TSPAN19: variants seen among roughly 807,000 people sequenced by gnomAD.
TSPAN19 encodes tetraspanin-19.
In TSPAN19, 44 loss-of-function variants were observed where a neutral mutation model predicts 35.1. The ratio of observed to expected loss-of-function variants is 1.25; its 90% CI spans 0.98 to 1.61. The LOEUF (loss-of-function observed/expected upper bound fraction) is 1.61, where lower values mean the gene tolerates loss of function less well. TSPAN19 is among the 40% of genes most tolerant of loss of function. TSPAN19 has a pLI of 0.00. For missense variants in TSPAN19, 290 were observed against 280.0 expected (o/e 1.04, Z -0.26); for synonymous variants, 79 against 92.0 (o/e 0.86, Z 0.81).
chr12:85,032,693 C>T (rs1191349334), intron 1 of TSPAN19, among the ~76,000 whole-genome samples: 3 of 152,200 alleles, frequency 2.0e-5, no homozygotes, highest in African/African-American at 4.8e-5. Context: ...CTGGAAACAA[C>T]GTCAATGAGA....
At chr12:85,021,227 TTAAATA>T (rs998111549) in intron 5 of TSPAN19, among the ~76,000 whole-genome samples, 34 of 152,174 alleles carry the variant, frequency 2.2e-4, no homozygotes, top group African/African-American at 7.7e-4. Context: ...GCTGAGACTT[TTAAATA>T]TAATCATTTG....
Position 85,019,722 on chromosome 12 carries a change from C to T in TSPAN19, c.354G>A (p.Trp118Ter). The change falls in exon 6 of 9, where the codon TGG becomes TGA. Residue 118 changes from tryptophan (W) to a stop codon, truncating the protein, a stop_gained. Coordinates refer to ENST00000532498, the MANE Select transcript of TSPAN19 (RefSeq NM_001100917.2). LOFTEE classifies it high-confidence loss of function. The part of the protein sequence containing the change: ...ITKKEEVQQL[W>*]HDKIDFVISE... ...AAATGACAAAATCAATTTTGTCATGCCATAGTTGCTGAACCTGTAGAAAAT... is the reference window on the plus strand; with the variant it reads ...AAATGACAAAATCAATTTTGTCATGTCATAGTTGCTGAACCTGTAGAAAAT... 6.3e-7 allele frequency: 1 copy of T among 1,599,938 alleles called. No homozygotes were observed. The highest frequency in any genetic ancestry group is 8.5e-7 in the Non-Finnish European group (1 of 1,171,850).
intron 4 of TSPAN19, among the ~76,000 whole-genome samples, chr12:85,027,590 C>G (rs1236094910): frequency 6.6e-6 from 1 of 151,912 alleles, no homozygotes; most frequent in African/African-American, 2.4e-5. Flanking sequence ...TATTCTAATT[C>G]TAGCCTTCAG....
intron 6 of TSPAN19, among the ~76,000 whole-genome samples, chr12:85,017,922 C>A (rs1876905946): frequency 6.6e-6 from 1 of 151,752 alleles, no homozygotes; most frequent in Admixed American, 6.6e-5. Flanking sequence ...TAATATAAAA[C>A]AATCACTGGA....
chr12:85,031,088 C>T (rs1246444101), intron 1 of TSPAN19, among the ~76,000 whole-genome samples: 1 of 152,134 alleles, frequency 6.6e-6, no homozygotes, highest in Non-Finnish European at 1.5e-5. Context: ...AGTCTATGTA[C>T]TACCTTCCCT....
intron 6 of TSPAN19, among the ~76,000 whole-genome samples, chr12:85,018,086 T>C (rs1876914082): frequency 6.6e-6 from 1 of 151,626 alleles, no homozygotes; most frequent in Non-Finnish European, 1.5e-5. Context: ...TGTGTGAAAA[T>C]TACCACAAAG....
intron 7 of TSPAN19, chr12:85,017,235 T>C (rs1876861776): frequency 4.3e-6 from 2 of 461,074 alleles, no homozygotes; most frequent in Admixed American, 4.4e-5. Context: ...AATACATAAA[T>C]CATATACTCC....
At chr12:85,015,629 TAGAA>T (rs1876752710) in intron 8 of TSPAN19, 1 of 260,956 alleles carries the variant, frequency 3.8e-6, no homozygotes, top group Admixed American at 5.5e-5. Context: ...TAGATATATA[TAGAA>T]AGAAAGATAA....
intron 1 of TSPAN19, among the ~76,000 whole-genome samples, chr12:85,033,664 T>C (rs926567115): frequency 6.6e-6 from 1 of 152,132 alleles, no homozygotes; most frequent in Non-Finnish European, 1.5e-5. Context: ...ATATCATCAA[T>C]GAGGAGAGAA....
chr12:85,025,468 A>G (rs1222602973), intron 4 of TSPAN19, among the ~76,000 whole-genome samples: 1 of 151,556 alleles, frequency 6.6e-6, no homozygotes, highest in Non-Finnish European at 1.5e-5. Context: ...ATTACTGGGT[A>G]TCTTAGATTA....
intron 6 of TSPAN19, 70 bp downstream of exon 6, chr12:85,019,556 T>C (rs534629490): frequency 7.7e-5 from 74 of 962,942 alleles, no homozygotes; most frequent in Non-Finnish European, 1.1e-4. Context: ...TCCCCTGCCC[T>C]GACCTATTCT....
At position 85,023,377 on chromosome 12, in the gene TSPAN19, G is replaced by C. The variant is rs1468148861; in HGVS notation, c.288C>G (p.Thr96=). 6.3e-7 allele frequency: 1 copy of C among 1,587,280 alleles called. No homozygotes were observed. The highest frequency in any genetic ancestry group is 2.3e-5 in the East Asian group (1 of 44,076). The change falls in exon 5 of 9, where the codon ACC becomes ACG. Residue 96 remains threonine, a synonymous_variant. Coordinates refer to ENST00000532498, the MANE Select transcript of TSPAN19 (RefSeq NM_001100917.2). ...LIVYAVLITW[T]FAVQVVLSAF... ...CTGAAAGTACAACCTGAACAGCAAA[G>C]GTCCATGTTATCAATACTGCATACT...
chr12:85,015,192 C>T (rs1876727739), intron 8 of TSPAN19: 1 of 151,818 alleles, frequency 6.6e-6, no homozygotes, highest in African/African-American at 2.4e-5. Context: ...GCATAGTCCC[C>T]ACTATAACAC....
In TSPAN19 at chr12:85,022,707, G is replaced by A. The variant is rs1877191375; in HGVS notation, c.339+619C>T. ...GGACAATTAATCTTCCGTGATATAA[G>A]ACAGACCTTGACTGAACTGAAATAC... On this transcript the variant is annotated intron_variant, in intron 5 of 8. Transcript: ENST00000532498. Among the ~76,000 whole-genome samples the A allele has an allele frequency of 2.0e-5, 3 of 152,176 alleles. 1 individual carries two copies. The highest frequency in any genetic ancestry group is 6.8e-3 in the Middle Eastern group (2 of 294).
At chr12:85,016,100 T>C in intron 7 of TSPAN19, 129 bp from the exon 8 acceptor site, 1 of 545,862 alleles carries the variant, frequency 1.8e-6, no homozygotes, top group South Asian at 3.5e-5. Flanking sequence ...CAATATCTAA[T>C]TGGCGAACTG....
In TSPAN19 at chr12:85,019,510, G is replaced by A. The variant is rs570404579; in HGVS notation, c.450+116C>T. On this transcript the variant is annotated intron_variant, in intron 6 of 8. Coordinates refer to ENST00000532498, the MANE Select transcript of TSPAN19 (RefSeq NM_001100917.2). The stretch of plus-strand genomic sequence containing the variant: ...AATGCCCTTTTTGCCCAGTTTGTTT[G>A]AAAGAAATACAACAAACTTTCATCC... The A allele has an allele frequency of 4.8e-6, 3 of 625,126 alleles. No homozygotes were observed. In the South Asian group the frequency reaches 6.3e-5, roughly 13 times the overall value. The allele number at this position is 625,126 out of a possible 1,614,324, so 38.7% of individuals were successfully genotyped here. A position where few individuals can be genotyped will look rare whatever the true frequency, so the allele number is the denominator to read the frequency against.
intron 1 of TSPAN19, among the ~76,000 whole-genome samples, chr12:85,031,229 C>T (rs1313423792): frequency 6.6e-6 from 1 of 152,078 alleles, no homozygotes; most frequent in African/African-American, 2.4e-5. Context: ...ACTTTCCATC[C>T]TATTGTCTTA....
chr12:85,015,595 T>C (rs1876750560), intron 8 of TSPAN19: 1 of 201,678 alleles, frequency 5.0e-6, no homozygotes, highest in East Asian at 1.1e-4. Context: ...CGTAAATATA[T>C]CTATACATCA....
intron 1 of TSPAN19, among the ~76,000 whole-genome samples, chr12:85,034,897 C>T (rs1189818831): frequency 6.6e-6 from 1 of 151,996 alleles, no homozygotes; most frequent in Non-Finnish European, 1.5e-5. Context: ...CAATATTTGA[C>T]AAAGTAAGCT....
Sources: gnomAD v4.1 joint callset for allele counts (sites outside exome capture counted in the v4.1 genomes callset) on GRCh38, gnomAD v4.1.1 for gene constraint, MANE v1.5 for transcripts, NCBI Gene and HGNC (gene_info 2026-07-23, HGNC 2026-07-21) for gene names.